OR10R2: variants seen among roughly 807,000 people sequenced by gnomAD.
OR10R2 encodes olfactory receptor family 10 subfamily R member 2.
OR10R2 carries 1 observed loss-of-function variant against 2.4 expected under a neutral mutation model. The observed-to-expected ratio is 0.41, with a 90% CI of 0.15 to 1.95. The LOEUF (loss-of-function observed/expected upper bound fraction) is 1.95. OR10R2 is among the 30% of genes most tolerant of loss of function. The pLI, the probability that OR10R2 is intolerant of heterozygous loss-of-function variation, is 0.30. For missense variants in OR10R2, 419 were observed against 373.0 expected (o/e 1.12, Z -1.01); for synonymous variants, 166 against 144.8 (o/e 1.15, Z -1.05).
chr1:158,475,067 G>C (rs1238145818), intron 1 of OR10R2, among the ~76,000 whole-genome samples: 1 of 152,052 alleles, frequency 6.6e-6, no homozygotes, highest in African/African-American at 2.4e-5. Context: ...TTTCATAGAT[G>C]AGACAACTAC....
At chr1:158,474,981 A>ACTAG (rs1234580743) in intron 1 of OR10R2, among the ~76,000 whole-genome samples, 1 of 152,218 alleles carries the variant, frequency 6.6e-6, no homozygotes, top group Admixed American at 6.5e-5. Context: ...ACCACTAGAT[A>ACTAG]GAGCACTTAT....
chr1:158,473,670 G>A (rs1290012820), intron 1 of OR10R2, among the ~76,000 whole-genome samples: 1 of 152,140 alleles, frequency 6.6e-6, no homozygotes, highest in Non-Finnish European at 1.5e-5. Context: ...AATGTTTGCA[G>A]TGTTGTGAGA....
At chr1:158,473,787 CCTCT>C (rs1656209727) in intron 1 of OR10R2, among the ~76,000 whole-genome samples, 2 of 104,326 alleles carry the variant, frequency 1.9e-5, no homozygotes, top group African/African-American at 9.4e-5. Context: ...TCCCTCCTTC[CCTCT>C]TTCCCTCTCT....
intron 1 of OR10R2, among the ~76,000 whole-genome samples, chr1:158,477,919 C>T (rs1055812364): frequency 6.6e-6 from 1 of 152,104 alleles, no homozygotes; most frequent in African/African-American, 2.4e-5. Flanking sequence ...TATAACGTTA[C>T]AGTAACCCAA....
At chr1:158,480,045 A>T (rs62642483) in exon 2 of OR10R2, 1 of 1,613,818 alleles carries the variant, frequency 6.2e-7, no homozygotes, top group Admixed American at 1.7e-5. Flanking sequence ...TTCTGTATCT[A>T]GTCATTCTTA....
intron 1 of OR10R2, among the ~76,000 whole-genome samples, chr1:158,478,239 A>G (rs963324986): frequency 1.3e-5 from 2 of 152,206 alleles, no homozygotes; most frequent in Non-Finnish European, 2.9e-5. Flanking sequence ...TCTCAATATC[A>G]GCCTTGGCAA....
chr1:158,479,844 T>C (rs776746647), intron 1 of OR10R2, 94 bp from the exon 2 acceptor site: 1 of 1,338,942 alleles, frequency 7.5e-7, no homozygotes, highest in Admixed American at 2.0e-5. Context: ...GCAAGATTCT[T>C]CTTTGTCACC....
At chr1:158,477,031 G>C (rs1322744002) in intron 1 of OR10R2, among the ~76,000 whole-genome samples, 2 of 151,996 alleles carry the variant, frequency 1.3e-5, no homozygotes, top group Non-Finnish European at 2.9e-5. Flanking sequence ...AGGTTGTCTG[G>C]TTCAATATTT....
intron 1 of OR10R2, among the ~76,000 whole-genome samples, chr1:158,472,717 G>A (rs1656186856): frequency 6.6e-6 from 1 of 152,164 alleles, no homozygotes; most frequent in African/African-American, 2.4e-5. Context: ...ATACGTGACA[G>A]CAAAGGATTG....
At chr1:158,479,585 G>T (rs1383665332) in intron 1 of OR10R2, among the ~76,000 whole-genome samples, 1 of 152,120 alleles carries the variant, frequency 6.6e-6, no homozygotes, top group African/African-American at 2.4e-5. Flanking sequence ...CAGAACCTGA[G>T]AATATGTTAG....
chr1:158,475,444 GA>G (rs1348280025), intron 1 of OR10R2, among the ~76,000 whole-genome samples: 1 of 151,950 alleles, frequency 6.6e-6, no homozygotes, highest in Non-Finnish European at 1.5e-5. Flanking sequence ...CTAATTTGAT[GA>G]GTGTAAATAA....
chr1:158,473,336 GA>G (rs942871121), intron 1 of OR10R2, among the ~76,000 whole-genome samples: 1 of 152,186 alleles, frequency 6.6e-6, no homozygotes, highest in African/African-American at 2.4e-5. Context: ...TACCAGGTAA[GA>G]ATGATCATTG....
chr1:158,475,568 C>T (rs1656254302), intron 1 of OR10R2, among the ~76,000 whole-genome samples: 1 of 151,492 alleles, frequency 6.6e-6, no homozygotes, highest in African/African-American at 2.4e-5. Context: ...ATGCTTTTAT[C>T]TGTTTTCTTC....
At chr1:158,476,365 G>A (rs1656269294) in intron 1 of OR10R2, among the ~76,000 whole-genome samples, 1 of 151,772 alleles carries the variant, frequency 6.6e-6, no homozygotes, top group South Asian at 2.1e-4. Context: ...GGCTAAGGCG[G>A]TGAAACCCCG....
intron 1 of OR10R2, 147 bp from the exon 2 acceptor site, chr1:158,479,791 T>C (rs1156271649): frequency 1.5e-5 from 11 of 750,562 alleles, no homozygotes; most frequent in South Asian, 1.4e-4. Context: ...CATGAACCAA[T>C]GAACATGAGA....
At chr1:158,480,079 G>A in exon 2 of OR10R2, 1 of 1,613,780 alleles carries the variant, frequency 6.2e-7, no homozygotes, top group Non-Finnish European at 8.5e-7. Flanking sequence ...CATTATCAGT[G>A]TCATCCACCT....
At chr1:158,477,733 G>A (rs1402002286) in intron 1 of OR10R2, among the ~76,000 whole-genome samples, 4 of 152,056 alleles carry the variant, frequency 2.6e-5, no homozygotes, top group African/African-American at 7.2e-5. Context: ...ACTGTCAAAA[G>A]CAATTTACAG....
chr1:158,480,584 T>A lies in OR10R2; in HGVS notation c.674T>A (p.Val225Asp), dbSNP rs1332311515. 3 of 1,613,662 alleles carry A rather than the reference T, an allele frequency of 1.9e-6. No homozygotes were observed. In the South Asian group the frequency reaches 3.3e-5, roughly 18 times the overall value. The change falls in exon 2 of 2, where the codon GTT (valine) becomes GAT (aspartate). Residue 225 changes from valine (V) to aspartate (D), a missense_variant. Coordinates refer to ENST00000641067, the Ensembl canonical transcript of OR10R2. ...GTGGTTCCCTTTCTGTTTATCTGTG[T>A]TTCTTATCTCTGCATTCTGAGGACT... is the stretch of plus-strand genomic sequence containing the variant.
intron 1 of OR10R2, among the ~76,000 whole-genome samples, chr1:158,477,152 AAACCCTC>A (rs1412011029): frequency 6.6e-6 from 1 of 152,328 alleles, no homozygotes; most frequent in East Asian, 1.9e-4. Context: ...TTCATGATAA[AAACCCTC>A]AACAGACTAG....
Sources: allele counts gnomAD v4.1 joint callset (sites outside exome capture counted in the v4.1 genomes callset), GRCh38; gene constraint gnomAD v4.1.1; transcripts MANE v1.5; gene names NCBI Gene and HGNC (gene_info 2026-07-23, HGNC 2026-07-21).